BMP5: variants seen among roughly 807,000 people sequenced by gnomAD.
BMP5 encodes the protein bone morphogenetic protein 5.
A neutral mutation model predicts 46.6 loss-of-function variants in BMP5; 23 were observed. The observed-to-expected ratio is 0.49, with a 90% confidence interval of 0.35 to 0.70. The LOEUF is 0.70. Among genes scored for constraint, BMP5 ranks in the 30% least tolerant of loss-of-function variants. BMP5 has a pLI of 0.00. For missense variants in BMP5, 545 were observed against 565.6 expected (o/e 0.96, Z 0.37); for synonymous variants, 204 against 191.9 (o/e 1.06, Z -0.52).
intron 1 of BMP5, among the ~76,000 whole-genome samples, chr6:55,833,803 A>C (rs1396018998): frequency 1.3e-5 from 2 of 152,200 alleles, no homozygotes; most frequent in Non-Finnish European, 2.9e-5. Flanking sequence ...ATCATGCAGG[A>C]TATCCCATGT....
At chr6:55,778,356 G>T (rs1775227326) in intron 3 of BMP5, among the ~76,000 whole-genome samples, 1 of 151,954 alleles carries the variant, frequency 6.6e-6, no homozygotes, top group Admixed American at 6.6e-5. Flanking sequence ...GGTTCTTGAA[G>T]GATGTGCCAA....
At chr6:55,792,675 G>A (rs1439789566) in intron 3 of BMP5, among the ~76,000 whole-genome samples, 1 of 152,100 alleles carries the variant, frequency 6.6e-6, no homozygotes, top group Non-Finnish European at 1.5e-5. Flanking sequence ...ATTATCCATA[G>A]GCTATGAAAC....
At chr6:55,870,593 G>A (rs980097332) in intron 1 of BMP5, among the ~76,000 whole-genome samples, 1 of 152,084 alleles carries the variant, frequency 6.6e-6, no homozygotes, top group African/African-American at 2.4e-5. Flanking sequence ...CTGTTGGAGA[G>A]ACTACATAGA....
chr6:55,775,830 C>T (rs1028816787), intron 3 of BMP5, among the ~76,000 whole-genome samples: 1 of 151,534 alleles, frequency 6.6e-6, no homozygotes, highest in Non-Finnish European at 1.5e-5. Flanking sequence ...GAGAACAAGA[C>T]CGTCAGAAAA....
At chr6:55,758,625 C>A (rs1582040538) in intron 6 of BMP5, among the ~76,000 whole-genome samples, 1 of 151,716 alleles carries the variant, frequency 6.6e-6, no homozygotes, top group Admixed American at 6.6e-5. Flanking sequence ...TAATTAAAAA[C>A]CCTCAGATGA....
intron 2 of BMP5, among the ~76,000 whole-genome samples, chr6:55,797,263 A>G (rs990294462): frequency 2.6e-5 from 4 of 152,238 alleles, no homozygotes; most frequent in Non-Finnish European, 4.4e-5. Context: ...TGGCACTTAT[A>G]CTACCGGGAA....
chr6:55,799,890 A>G (rs939546744), intron 2 of BMP5, among the ~76,000 whole-genome samples: 1 of 152,198 alleles, frequency 6.6e-6, no homozygotes, highest in African/African-American at 2.4e-5. Flanking sequence ...ACTTTGGGGT[A>G]GGTTTGCACA....
At chr6:55,825,175 A>T (rs989368322) in intron 1 of BMP5, among the ~76,000 whole-genome samples, 1 of 151,782 alleles carries the variant, frequency 6.6e-6, no homozygotes, top group Admixed American at 6.6e-5. Flanking sequence ...TCAAAACTTC[A>T]GCAAAACGTA....
intron 2 of BMP5, among the ~76,000 whole-genome samples, chr6:55,810,269 G>T (rs76548381): frequency 2.2e-3 from 331 of 152,136 alleles, no homozygotes; most frequent in African/African-American, 7.8e-3. Flanking sequence ...ATTCCATGCT[G>T]CATTTAAAAG....
intron 1 of BMP5, among the ~76,000 whole-genome samples, chr6:55,869,443 T>A (rs1329829528): frequency 6.6e-6 from 1 of 152,162 alleles, no homozygotes; most frequent in Admixed American, 6.6e-5. Context: ...TATATCTCAC[T>A]CTTCGTCTCT....
At chr6:55,817,367 T>C (rs1450316093) in intron 2 of BMP5, among the ~76,000 whole-genome samples, 1 of 152,084 alleles carries the variant, frequency 6.6e-6, no homozygotes, top group Non-Finnish European at 1.5e-5. Context: ...CCATCAATGA[T>C]AGACTGGATT....
intron 1 of BMP5, among the ~76,000 whole-genome samples, chr6:55,855,379 T>C (rs187963219): frequency 2.4e-3 from 369 of 151,952 alleles, no homozygotes; most frequent in Non-Finnish European, 4.5e-3. Flanking sequence ...AGCAAGATCC[T>C]CTCTCAAAAG....
At chr6:55,827,893 A>C (rs1335130102) in intron 1 of BMP5, among the ~76,000 whole-genome samples, 6 of 151,962 alleles carry the variant, frequency 3.9e-5, no homozygotes, top group Middle Eastern at 3.4e-3. Flanking sequence ...ACCTGTAACA[A>C]CTTAAAATAA....
intron 4 of BMP5, 32 bp downstream of exon 4, chr6:55,774,017 T>C (rs952433364): frequency 3.1e-6 from 5 of 1,607,364 alleles, no homozygotes; most frequent in Admixed American, 3.3e-5. Flanking sequence ...CATAACTCTC[T>C]GTGCATAACT....
intron 1 of BMP5, among the ~76,000 whole-genome samples, chr6:55,855,323 T>C (rs543011482): frequency 1.3e-5 from 2 of 151,988 alleles, no homozygotes; most frequent in South Asian, 4.1e-4. Flanking sequence ...TGGTCAAAGC[T>C]GCAGTGAGTT....
intron 1 of BMP5, among the ~76,000 whole-genome samples, chr6:55,852,913 C>T (rs563192445): frequency 6.6e-5 from 10 of 151,968 alleles, no homozygotes; most frequent in Non-Finnish European, 1.0e-4. Context: ...GGGTGGATCA[C>T]GAGGTCAGGA....
intron 3 of BMP5, among the ~76,000 whole-genome samples, chr6:55,777,409 T>C (rs1258827943): frequency 6.6e-6 from 1 of 152,044 alleles, no homozygotes; most frequent in Non-Finnish European, 1.5e-5. Context: ...CACATTACCT[T>C]TACATGTGTG....
At chr6:55,855,167 G>A (rs1324166873) in intron 1 of BMP5, among the ~76,000 whole-genome samples, 1 of 152,018 alleles carries the variant, frequency 6.6e-6, no homozygotes. Context: ...GGTGCGTGGG[G>A]CATGCTGGCT....
chr6:55,771,457 C>G (rs228146), intron 4 of BMP5, among the ~76,000 whole-genome samples: 1 of 151,544 alleles, frequency 6.6e-6, no homozygotes, highest in South Asian at 2.1e-4. Context: ...CTGCAGGAAA[C>G]CTGGAAGTAA....
Sources: allele counts gnomAD v4.1 joint callset (sites outside exome capture counted in the v4.1 genomes callset), GRCh38; gene constraint gnomAD v4.1.1; transcripts MANE v1.5; gene names NCBI Gene and HGNC (gene_info 2026-07-23, HGNC 2026-07-21).